PEAR1: variants seen among roughly 807,000 people sequenced by gnomAD.
The protein encoded by PEAR1 is platelet endothelial aggregation receptor 1, also known as multiple EGF-like domains protein 12.
In PEAR1, 113 loss-of-function variants were observed where a neutral mutation model predicts 131.2. That is an observed-to-expected ratio of 0.86 (90% confidence interval 0.74 to 1.01). The LOEUF (loss-of-function observed/expected upper bound fraction) is 1.01, where lower values mean the gene tolerates loss of function less well. Ranked by LOEUF, PEAR1 falls within the 50% of genes least tolerant of loss-of-function variation. PEAR1 has a pLI of 0.00. For missense variants in PEAR1, 1,408 were observed against 1,391.1 expected (o/e 1.01, Z -0.19); for synonymous variants, 565 against 523.3 (o/e 1.08, Z -1.09).
intron 15 of PEAR1, among the ~76,000 whole-genome samples, chr1:156,911,216 CTTTCCTTT>C (rs1322844954): frequency 9.3e-6 from 1 of 107,994 alleles, no homozygotes; most frequent in African/African-American, 3.6e-5. Flanking sequence ...TTCTTTCTTT[CTTTCCTTT>C]CTTTCTTTCT....
At position 156,910,049 on chromosome 1, in the gene PEAR1, A is replaced by T; in HGVS notation, c.1619A>T (p.Asp540Val). The stretch of plus-strand genomic sequence containing the variant: ...GGTTGTGCCAGTCGCTGTGACTGTG[A>T]CCACTCTGATGGCTGTGACCCTGTT... ...GEGCASRCDC[D>V]HSDGCDPVHG... The change falls in exon 13 of 23, where the codon GAC (aspartate) becomes GTC (valine). Residue 540 changes from aspartate to valine, a missense_variant. Asp to Val is a radical substitution (Grantham distance 152). Coordinates refer to ENST00000292357, the MANE Select transcript of PEAR1 (RefSeq NM_001080471.3). The T allele has an allele frequency of 6.2e-7, 1 of 1,614,094 alleles. No homozygotes were observed. Among genetic ancestry groups the T allele is most frequent in the Non-Finnish European group, 8.5e-7 (1 of 1,180,018 alleles).
At chr1:156,911,442 G>A (rs1237532075) in intron 15 of PEAR1, among the ~76,000 whole-genome samples, 2 of 151,478 alleles carry the variant, frequency 1.3e-5, no homozygotes, top group Admixed American at 6.6e-5. Context: ...ACCACAGCAG[G>A]CTAATTTTTG....
At position 156,904,903 on chromosome 1, in the gene PEAR1, T is replaced by G; in HGVS notation, c.206+51T>G. 1.9e-6 allele frequency: 3 copies of G among 1,611,206 alleles called. No individual in the cohort carries two copies. In the African/African-American group the frequency reaches 4.0e-5, roughly 22 times the overall value. ...TGGATGGGCTACCTGAGTCGCTGCCTCAGCCTGGCCCCTGGCCCTCTGTAC... is the reference window on the plus strand; with the variant it reads ...TGGATGGGCTACCTGAGTCGCTGCCGCAGCCTGGCCCCTGGCCCTCTGTAC... On this transcript the variant is annotated intron_variant, in intron 3 of 22. Transcript: ENST00000292357.
chr1:156,901,115 C>T (rs745556272), intron 1 of PEAR1, among the ~76,000 whole-genome samples: 75 of 152,212 alleles, frequency 4.9e-4, no homozygotes, highest in African/African-American at 9.2e-4. Context: ...TGTCCCCTCC[C>T]GGGGCCACCC....
rs768210561 is a variant in PEAR1, at chr1:156,904,776, T to C, written c.130T>C (p.Ser44Pro). 2.5e-6 allele frequency: 4 copies of C among 1,613,028 alleles called. No individual in the cohort carries two copies. The highest frequency in any genetic ancestry group is 2.5e-6 in the Non-Finnish European group (3 of 1,179,624). The stretch of plus-strand genomic sequence containing the variant: ...CACTACCACCACCAAGGAGTCCCAC[T>C]CCCGCCCCTTCAGCCTGCTCCCCTC... The part of the protein sequence containing the change: ...SFTTTTKESH[S>P]RPFSLLPSEP... Residue 44 changes from serine (S) to proline (P), a missense_variant, in exon 3 of 23, where the codon TCC becomes CCC. Transcript: ENST00000292357.
Position 156,908,971 on chromosome 1 carries a change from C to T in PEAR1, c.1346C>T (p.Ala449Val). 18 of 1,614,024 alleles carry T rather than the reference C, an allele frequency of 1.1e-5. No individual in the cohort carries two copies. The highest frequency in any genetic ancestry group is 1.5e-5 in the Non-Finnish European group (18 of 1,179,940). ...PPDTYGVNCS[A>V]RCSCENAIAC... Reference sequence around the variant, plus strand: ...GACACCTACGGTGTCAACTGTTCTGCACGCTGCTCATGTGAAAATGCCATC... The same window carrying T: ...GACACCTACGGTGTCAACTGTTCTGTACGCTGCTCATGTGAAAATGCCATC... Residue 449 changes from alanine (A) to valine (V), a missense_variant, in exon 11 of 23, where the codon GCA becomes GTA. Coordinates refer to ENST00000292357, the MANE Select transcript of PEAR1 (RefSeq NM_001080471.3). This position sits in a 1 kb window ranked among gnomAD's most constrained non-coding sequence, Gnocchi z 4.2.
chr1:156,906,001 A>C (rs1285082507), intron 4 of PEAR1, among the ~76,000 whole-genome samples: 1 of 152,138 alleles, frequency 6.6e-6, no homozygotes, highest in Non-Finnish European at 1.5e-5. Context: ...GACAGTGTCC[A>C]TGTTCAGTCC....
rs372710583 is a variant in PEAR1 at position 156,913,493 on chromosome 1, C to T, written c.2614C>T (p.Arg872Trp). The change falls in exon 20 of 23, where the codon CGG becomes TGG. Residue 872 changes from arginine (R) to tryptophan (W), a missense_variant. By Grantham distance (101) the Arg-to-Trp change is moderately radical. Coordinates refer to ENST00000292357, the MANE Select transcript of PEAR1 (RefSeq NM_001080471.3). ...CCTGCCTGCTGACTGGAAGCACCGC[C>T]GGGAGCCCCCTCCAGGGCCTCTGGA... is the stretch of plus-strand genomic sequence containing the variant. ...TTLPADWKHRREPPPGPLDRG... is the reference protein window; with the variant it reads ...TTLPADWKHRWEPPPGPLDRG... The T allele has an allele frequency of 3.5e-5, 56 of 1,613,006 alleles. No individual in the cohort carries two copies. The highest frequency in any genetic ancestry group is 1.6e-4 in the Middle Eastern group (1 of 6,064).
chr1:156,899,480 TTCTC>T (rs1411561867), intron 1 of PEAR1, among the ~76,000 whole-genome samples: 3 of 152,092 alleles, frequency 2.0e-5, no homozygotes, highest in Non-Finnish European at 2.9e-5. Context: ...CCCACTTCCT[TTCTC>T]TCTGTCAGCA....
At chr1:156,898,400 G>T (rs547168604) in intron 1 of PEAR1, among the ~76,000 whole-genome samples, 1 of 152,142 alleles carries the variant, frequency 6.6e-6, no homozygotes, top group Non-Finnish European at 1.5e-5. Context: ...CACTCTGGCC[G>T]CATACGCAGG....
Position 156,913,062 on chromosome 1 carries a change from G to A in PEAR1, c.2422+80G>A, listed in dbSNP as rs895348160. On this transcript the variant is annotated intron_variant, in intron 18 of 22. Transcript: ENST00000292357. The stretch of plus-strand genomic sequence containing the variant: ...AGTGGATGCTGGGCATGACCCAAAG[G>A]GAAGATGAGGAGTGGGGAGGAGGGA... The A allele has an allele frequency of 5.7e-6, 9 of 1,581,706 alleles. No homozygotes were observed. In the African/African-American group the frequency reaches 8.1e-5, roughly 14 times the overall value.
At position 156,908,437 on chromosome 1, in the gene PEAR1, C is replaced by T; in HGVS notation, c.1115+97C>T. ...GAGCCAGGGCCATATCCAAGGGGGA[C>T]AGGTGTCACAGAAGGGGAAAGGGAG... On this transcript the variant is annotated intron_variant, in intron 9 of 22. Coordinates refer to ENST00000292357, the MANE Select transcript of PEAR1 (RefSeq NM_001080471.3). This position sits in a 1 kb window ranked among gnomAD's most constrained non-coding sequence, Gnocchi z 4.2. 1 of 1,365,282 alleles carries T rather than the reference C, an allele frequency of 7.3e-7. No homozygotes were observed. Among genetic ancestry groups the T allele is most frequent in the Non-Finnish European group, 9.7e-7 (1 of 1,033,036 alleles). The allele number at this position is 1,365,282 out of a possible 1,614,324, so 84.6% of individuals were successfully genotyped here. A position where few individuals can be genotyped will look rare whatever the true frequency, so the allele number is the denominator to read the frequency against.
intron 1 of PEAR1, among the ~76,000 whole-genome samples, chr1:156,899,020 AAC>A (rs1649426567): frequency 6.6e-6 from 1 of 152,184 alleles, no homozygotes; most frequent in South Asian, 2.1e-4. Context: ...TTTTTGCATC[AAC>A]ACACATCCAC....
In PEAR1 at chr1:156,908,013, T is replaced by C; in HGVS notation, c.864T>C (p.Thr288=). The part of the protein sequence containing the change: ...CHNGGLCDRF[T]GQCRCAPGYT... Reference sequence around the variant, plus strand: ...ACGGCGGCCTCTGTGACCGATTCACTGGGCAGTGCCGCTGCGCTCCGGGTT... The same window carrying C: ...ACGGCGGCCTCTGTGACCGATTCACCGGGCAGTGCCGCTGCGCTCCGGGTT... Residue 288 remains threonine, a synonymous_variant, in exon 8 of 23, where the codon ACT becomes ACC. Transcript: ENST00000292357. This position sits in a 1 kb window ranked among gnomAD's most constrained non-coding sequence, Gnocchi z 4.2. The C allele has an allele frequency of 2.1e-6, 3 of 1,407,102 alleles. No individual in the cohort carries two copies. The highest frequency in any genetic ancestry group is 2.9e-6 in the Non-Finnish European group (3 of 1,047,448). 87.2% of individuals were successfully genotyped at this position (1,407,102 alleles called of 1,614,324 possible).
Position 156,914,758 on chromosome 1 carries a change from G to C in PEAR1, c.3074G>C (p.Arg1025Pro). The change falls in exon 23 of 23, where the codon CGG becomes CCG. Residue 1025 changes from arginine (R) to proline (P), a missense_variant. By Grantham distance (103) the Arg-to-Pro change is moderately radical. Coordinates refer to ENST00000292357, the MANE Select transcript of PEAR1 (RefSeq NM_001080471.3). ...IPGHYDLPPVRHPPSPPLRRQ... is the reference protein window; with the variant it reads ...IPGHYDLPPVPHPPSPPLRRQ... ...GGACATTATGACTTGCCTCCAGTAC[G>C]GCATCCCCCATCACCTCCACTTCGA... 6.2e-7 allele frequency: 1 copy of C among 1,613,944 alleles called. No homozygotes were observed. Among genetic ancestry groups the C allele is most frequent in the Non-Finnish European group, 8.5e-7 (1 of 1,179,888 alleles).
rs1651274786 is a variant in PEAR1, at chr1:156,912,105, A to G, written c.1952-142A>G. 9 of 1,043,456 alleles carry G rather than the reference A, an allele frequency of 8.6e-6. No individual in the cohort carries two copies. In the South Asian group the frequency reaches 1.1e-4, roughly 13 times the overall value. The allele number at this position is 1,043,456 out of a possible 1,614,324, so 64.6% of individuals were successfully genotyped here. ...GGCTGGAAATAATCATTTGTGAGTC[A>G]TTGGTTGCAGATACTGTTCAAAGCT... is the stretch of plus-strand genomic sequence containing the variant. On this transcript the variant is annotated intron_variant, in intron 15 of 22. Coordinates refer to ENST00000292357, the MANE Select transcript of PEAR1 (RefSeq NM_001080471.3).
Position 156,912,605 on chromosome 1 carries a change from G to A in PEAR1, c.2192G>A (p.Gly731Asp), listed in dbSNP as rs1651352832. Reference sequence around the variant, plus strand: ...TGTGTATGTCCCCCAGGGCACAGTGGTGCACCTTGCAGGATTGGTGAGTTC... The same window carrying A: ...TGTGTATGTCCCCCAGGGCACAGTGATGCACCTTGCAGGATTGGTGAGTTC... ...GACVCPPGHS[G>D]APCRIGIQEP... Residue 731 changes from glycine (G) to aspartate (D), a missense_variant, in exon 17 of 23, where the codon GGT becomes GAT. Coordinates refer to ENST00000292357, the MANE Select transcript of PEAR1 (RefSeq NM_001080471.3). 2 of 1,613,696 alleles carry A rather than the reference G, an allele frequency of 1.2e-6. No individual in the cohort carries two copies. The highest frequency in any genetic ancestry group is 1.7e-6 in the Non-Finnish European group (2 of 1,179,926).
chr1:156,914,154 C>A, intron 22 of PEAR1, 54 bp downstream of exon 22: 2 of 1,488,128 alleles, frequency 1.3e-6, no homozygotes, highest in South Asian at 1.4e-5. Context: ...ACAAGGGAGG[C>A]AGAAAAACAG....
In PEAR1 at chr1:156,914,925, T is replaced by A; in HGVS notation, c.*127T>A. Reference sequence around the variant, plus strand: ...GCAGGCTGTGAACATGAACAACGCTTAACAGAGCAAGTGATGGGAGCCTTG... The same window carrying A: ...GCAGGCTGTGAACATGAACAACGCTAAACAGAGCAAGTGATGGGAGCCTTG... On this transcript the variant is annotated 3_prime_UTR_variant, in exon 23 of 23. Coordinates refer to ENST00000292357, the MANE Select transcript of PEAR1 (RefSeq NM_001080471.3). 1 of 1,039,594 alleles carries A rather than the reference T, an allele frequency of 9.6e-7. No homozygotes were observed. Among genetic ancestry groups the A allele is most frequent in the Non-Finnish European group, 1.3e-6 (1 of 741,696 alleles). The allele number at this position is 1,039,594 out of a possible 1,614,324, so 64.4% of individuals were successfully genotyped here.
Sources: gnomAD v4.1 joint callset for allele counts (sites outside exome capture counted in the v4.1 genomes callset) on GRCh38, gnomAD v4.1.1 for gene constraint, Gnocchi (gnomAD v3.1) non-coding constraint, MANE v1.5 for transcripts, NCBI Gene and HGNC (gene_info 2026-07-23, HGNC 2026-07-21) for gene names.